Variants in EFNB2 observed in about 807,000 individuals in gnomAD.
EFNB2 encodes ephrin-B2.
EFNB2 carries 5 observed loss-of-function variants against 32.1 expected under a neutral mutation model. The ratio of observed to expected loss-of-function variants is 0.16; its 90% CI spans 0.08 to 0.33. The LOEUF (loss-of-function observed/expected upper bound fraction) is 0.33. Ranked by LOEUF, EFNB2 falls within the 10% of genes least tolerant of loss-of-function variation. EFNB2 has a pLI of 1.00. For missense variants in EFNB2, 263 were observed against 422.6 expected, an observed-to-expected ratio of 0.62 and a Z score of 3.31; for synonymous variants, 168 against 166.5, an observed-to-expected ratio of 1.01 and a Z score of -0.07.
Position 106,493,964 on chromosome 13 carries a change from AT to A in EFNB2, c.614-537del, listed in dbSNP as rs1878505284. The stretch of plus-strand genomic sequence containing the variant: ...AATGTTCAGCTCGTAACTCGTCTGT[AT>A]TATTTGATTTACACTTAAAATATAT... On this transcript the variant is annotated intron_variant, in intron 4 of 4. Coordinates refer to ENST00000646441, the MANE Select transcript of EFNB2 (RefSeq NM_004093.4). The surrounding 1 kb of genome is among the most constrained non-coding windows in gnomAD (Gnocchi z 6.1). 6.6e-6 allele frequency among the ~76,000 whole-genome samples: 1 copy of A among 152,226 alleles called. No homozygotes were observed. Among genetic ancestry groups the A allele is most frequent in the Non-Finnish European group, 1.5e-5 (1 of 68,040 alleles).
At chr13:106,526,027 T>C (rs942140950) in intron 1 of EFNB2, among the ~76,000 whole-genome samples, 2 of 152,118 alleles carry the variant, frequency 1.3e-5, no homozygotes, top group Admixed American at 6.5e-5. Flanking sequence ...AGGCAGCAGT[T>C]GCCAGCGTCA....
In EFNB2 at chr13:106,493,000, G is replaced by C. The variant is rs766438398; in HGVS notation, c.*40C>G. 4 of 1,564,940 alleles carry C rather than the reference G, an allele frequency of 2.6e-6. No homozygotes were observed. Among genetic ancestry groups the C allele is most frequent in the Non-Finnish European group, 3.5e-6 (4 of 1,154,424 alleles). On this transcript the variant is annotated 3_prime_UTR_variant, in exon 5 of 5. Transcript: ENST00000646441. This position sits in a 1 kb window ranked among gnomAD's most constrained non-coding sequence, Gnocchi z 5.1. ...CCTCAAGGGAGGCATCGGGACATTA[G>C]GTGTCCTCTGGGAAAGCACAGGTAC...
intron 2 of EFNB2, among the ~76,000 whole-genome samples, chr13:106,508,687 C>A (rs1371650206): frequency 6.6e-6 from 1 of 152,140 alleles, no homozygotes; most frequent in Non-Finnish European, 1.5e-5. Context: ...TTTAATACTC[C>A]AATAAACCCA....
intron 2 of EFNB2, among the ~76,000 whole-genome samples, chr13:106,511,366 G>C (rs901594360): frequency 3.9e-5 from 6 of 152,040 alleles, no homozygotes; most frequent in Admixed American, 1.3e-4. Context: ...CCTGTAGTCC[G>C]AGCTACTTGG....
rs766373079 is a variant in EFNB2, at chr13:106,494,958, G to A, written c.536C>T (p.Pro179Leu). ...SSAGSTRNKD[P>L]TRRPELEAGT... ...AGCTTCTAGTTCTGGACGTCTTGTT[G>A]GATCTTTATTCCTGGTTGATCCAGC... Residue 179 changes from proline (P) to leucine (L), a missense_variant, in exon 4 of 5, where the codon CCA becomes CTA. Pro to Leu is a moderately conservative substitution (Grantham distance 98). Coordinates refer to ENST00000646441, the MANE Select transcript of EFNB2 (RefSeq NM_004093.4). 3 of 1,614,114 alleles carry A rather than the reference G, an allele frequency of 1.9e-6. No homozygotes were observed.
intron 2 of EFNB2, among the ~76,000 whole-genome samples, chr13:106,504,292 C>T (rs549633256): frequency 1.5e-4 from 23 of 152,314 alleles, no homozygotes; most frequent in African/African-American, 5.3e-4. Context: ...GGAAAACATC[C>T]ATCGGAGGCA....
At position 106,492,536 on chromosome 13, in the gene EFNB2, C is replaced by T. The variant is rs549286194; in HGVS notation, c.*504G>A. On this transcript the variant is annotated 3_prime_UTR_variant, in exon 5 of 5. Coordinates refer to ENST00000646441, the MANE Select transcript of EFNB2 (RefSeq NM_004093.4). This position sits in a 1 kb window ranked among gnomAD's most constrained non-coding sequence, Gnocchi z 5.1. ...TGCTGCAGAGCCCTGGGTAACAGAA[C>T]GAGTGAGACAGTAAGGACTAAACTC... 76 of 156,110 alleles carry T rather than the reference C, an allele frequency of 4.9e-4. No homozygotes were observed. The South Asian group carries it at 0.014, about 29-fold the overall frequency. The allele number at this position is 156,110 out of a possible 1,614,324, so 9.7% of individuals were successfully genotyped here.
At chr13:106,519,942 A>T (rs943271310) in intron 1 of EFNB2, 2 of 152,236 alleles carry the variant, frequency 1.3e-5, no homozygotes, top group Non-Finnish European at 2.9e-5. Context: ...CAGATAAATA[A>T]AATTATCCTA....
At chr13:106,531,773 T>C (rs1409171175) in intron 1 of EFNB2, among the ~76,000 whole-genome samples, 1 of 149,242 alleles carries the variant, frequency 6.7e-6, no homozygotes, top group Non-Finnish European at 1.5e-5. Flanking sequence ...AGGGAAAAAA[T>C]TACATGGGAA....
chr13:106,512,220 T>C (rs1030539246), intron 2 of EFNB2, among the ~76,000 whole-genome samples: 71 of 151,972 alleles, frequency 4.7e-4, no homozygotes, highest in African/African-American at 1.6e-3. Context: ...AATCCACCAA[T>C]GGTCCTTAAA....
rs1566452722 is a variant in EFNB2, at chr13:106,491,109, A to G, written c.*1931T>C. 1.3e-5 allele frequency: 2 copies of G among 152,720 alleles called. No individual in the cohort carries two copies. Among genetic ancestry groups the G allele is most frequent in the Non-Finnish European group, 2.9e-5 (2 of 68,060 alleles). 9.5% of individuals were successfully genotyped at this position (152,720 alleles called of 1,614,324 possible). On this transcript the variant is annotated 3_prime_UTR_variant, in exon 5 of 5. Transcript: ENST00000646441. ...AGGACAGGAGGAGGGAGCCACAGCT[A>G]AATCGTCACCTGAAGCCCCCAGTGT...
At position 106,534,785 on chromosome 13, in the gene EFNB2, C is replaced by T. The variant is rs980759482; in HGVS notation, c.122+58G>A. The T allele has an allele frequency of 2.6e-6, 4 of 1,550,766 alleles. No individual in the cohort carries two copies. The African/African-American group carries it at 5.5e-5, about 21-fold the overall frequency. On this transcript the variant is annotated intron_variant, in intron 1 of 4. Transcript: ENST00000646441. The stretch of plus-strand genomic sequence containing the variant: ...CCCGCGGACTGACCCCTCCTCCCGC[C>T]CGGACGGCGCGGCGGACCCCGGGGC...
intron 2 of EFNB2, chr13:106,505,951 G>A (rs1878935304): frequency 6.6e-6 from 1 of 152,246 alleles, no homozygotes; most frequent in African/African-American, 2.4e-5. Context: ...AGAGCCATAT[G>A]GGACAGACAT....
chr13:106,526,126 G>C (rs1594177436), intron 1 of EFNB2, among the ~76,000 whole-genome samples: 2 of 152,240 alleles, frequency 1.3e-5, no homozygotes, highest in South Asian at 4.1e-4. Flanking sequence ...AGAAACCCCT[G>C]TTTTCTCAAG....
At chr13:106,530,707 C>T (rs1879842345) in intron 1 of EFNB2, among the ~76,000 whole-genome samples, 1 of 152,156 alleles carries the variant, frequency 6.6e-6, no homozygotes, top group Non-Finnish European at 1.5e-5. Context: ...ACGCTGGGAT[C>T]TCGAATAGTT....
At position 106,534,910 on chromosome 13, in the gene EFNB2, AAAC is replaced by A. The variant is rs1456456884; in HGVS notation, c.52_54del (p.Val18del). On this transcript the variant is annotated inframe_deletion, in exon 1 of 5. Coordinates refer to ENST00000646441, the MANE Select transcript of EFNB2 (RefSeq NM_004093.4). The stretch of plus-strand genomic sequence containing the variant: ...GATTTGGAAATCGCAGTTCTGCATA[AAAC>A]CATCAAAACACCCCAGCAGTACTTC... 3 of 1,613,668 alleles carry A rather than the reference AAAC, an allele frequency of 1.9e-6. No individual in the cohort carries two copies. The highest frequency in any genetic ancestry group is 2.5e-6 in the Non-Finnish European group (3 of 1,179,826).
At chr13:106,501,793 A>C (rs980999120) in intron 2 of EFNB2, among the ~76,000 whole-genome samples, 42 of 151,976 alleles carry the variant, frequency 2.8e-4, no homozygotes, top group Admixed American at 9.8e-4. Context: ...GGGGTTTCAC[A>C]GTGTTAGCCA....
intron 2 of EFNB2, among the ~76,000 whole-genome samples, chr13:106,501,001 T>C (rs932636730): frequency 6.6e-6 from 1 of 152,114 alleles, no homozygotes; most frequent in South Asian, 2.1e-4. Context: ...ATAAGGTAAG[T>C]TGAAAAATAA....
At chr13:106,529,144 C>T (rs1048371172) in intron 1 of EFNB2, among the ~76,000 whole-genome samples, 1 of 152,136 alleles carries the variant, frequency 6.6e-6, no homozygotes, top group Non-Finnish European at 1.5e-5. Flanking sequence ...TTTACCTTTG[C>T]TTCTCCCATG....
Sources: gnomAD v4.1 joint callset for allele counts (sites outside exome capture counted in the v4.1 genomes callset) on GRCh38, gnomAD v4.1.1 for gene constraint, Gnocchi (gnomAD v3.1) non-coding constraint, MANE v1.5 for transcripts, NCBI Gene and HGNC (gene_info 2026-07-23, HGNC 2026-07-21) for gene names.